The following ZNF225 variants were observed in gnomAD, a reference collection of about 807,000 sequenced individuals.
ZNF225 encodes zinc finger protein 225.
A neutral mutation model predicts 12.0 loss-of-function variants in ZNF225; 6 were observed. The ratio of observed to expected loss-of-function variants is 0.50; its 90% confidence interval spans 0.27 to 0.98. ZNF225 has a LOEUF of 0.98. Among genes scored for constraint, ZNF225 ranks in the 50% least tolerant of loss-of-function variants. The pLI is 0.11. For synonymous variants in ZNF225, 271 were observed against 283.2 expected, an observed-to-expected ratio of 0.96 and a Z score of 0.43; for missense variants, 763 against 848.2, an observed-to-expected ratio of 0.90 and a Z score of 1.25.
intron 4 of ZNF225, among the ~76,000 whole-genome samples, chr19:44,127,620 CTTTTA>C (rs1968174890): frequency 6.6e-6 from 1 of 151,928 alleles, no homozygotes; most frequent in Non-Finnish European, 1.5e-5. Context: ...GGAAAGAAAC[CTTTTA>C]TTTTATTTTT....
Position 44,131,960 on chromosome 19 carries a change from T to G in ZNF225, c.1346T>G (p.Val449Gly). 1 of 1,613,500 alleles carries G rather than the reference T, an allele frequency of 6.2e-7. No homozygotes were observed. Among genetic ancestry groups the G allele is most frequent in the Non-Finnish European group, 8.5e-7 (1 of 1,179,904 alleles). The change falls in exon 5 of 5, where the codon GTC becomes GGC. Residue 449 changes from valine (V) to glycine (G), a missense_variant. Physicochemically the swap from Val to Gly is moderately radical, Grantham distance 109. Coordinates refer to ENST00000262894, the MANE Select transcript of ZNF225 (RefSeq NM_013362.4). ...TTGGATCTTGACTTTCATCAGAGGG[T>G]CCACAGAGGAGAGAAACCCTATAAT... is the stretch of plus-strand genomic sequence containing the variant. Reference protein sequence around the residue: ...RRLDLDFHQRVHRGEKPYNCK... With the variant: ...RRLDLDFHQRGHRGEKPYNCK...
chr19:44,120,903 CTTT>C (rs113985967), intron 4 of ZNF225, among the ~76,000 whole-genome samples: 3 of 147,846 alleles, frequency 2.0e-5, no homozygotes, highest in Non-Finnish European at 4.5e-5. Flanking sequence ...CCATTTCTCT[CTTT>C]TTTTTTTTTA....
Position 44,131,502 on chromosome 19 carries a change from C to T in ZNF225, c.888C>T (p.Ser296=), listed in dbSNP as rs371556809. 3 of 1,614,012 alleles carry T rather than the reference C, an allele frequency of 1.9e-6. No homozygotes were observed. The highest frequency in any genetic ancestry group is 2.7e-5 in the African/African-American group (2 of 74,922). The change falls in exon 5 of 5, where the codon AGC becomes AGT. Residue 296 remains serine (S), a synonymous_variant. Transcript: ENST00000262894. ...TCAAATGTGATATATGTTGTAAGAG[C>T]TTCCGTAGTAGAGCAAATCTTAATA... ...KPFKCDICCK[S]FRSRANLNRH...
rs1228202276 is a variant in ZNF225, at chr19:44,113,448, T to A, written c.-190T>A. ...TCCGTTACTGTGAGGTTGCTGCAGT[T>A]TTGTCCCTGGTAGTTTGGGTCAGTT... On this transcript the variant is annotated 5_prime_UTR_variant, in exon 1 of 5. Transcript: ENST00000262894. The A allele has an allele frequency of 6.6e-6, 1 of 152,196 alleles. No homozygotes were observed. The highest frequency in any genetic ancestry group is 1.5e-5 in the Non-Finnish European group (1 of 68,116). The allele number at this position is 152,196 out of a possible 1,614,324, so 9.4% of individuals were successfully genotyped here. A position where few individuals can be genotyped will look rare whatever the true frequency, so the allele number is the denominator to read the frequency against.
intron 2 of ZNF225, among the ~76,000 whole-genome samples, chr19:44,117,408 C>G (rs539365113): frequency 2.0e-5 from 3 of 152,256 alleles, no homozygotes; most frequent in African/African-American, 7.2e-5. Context: ...ACACAGGTTA[C>G]CACAAGCTTT....
At chr19:44,121,791 T>C (rs1968062861) in intron 4 of ZNF225, among the ~76,000 whole-genome samples, 1 of 152,248 alleles carries the variant, frequency 6.6e-6, no homozygotes, top group South Asian at 2.1e-4. Context: ...ATCTATATCT[T>C]CTTTTGAAAA....
chr19:44,121,240 A>G lies in ZNF225; in HGVS notation c.235+2666A>G, dbSNP rs139075458. Among the ~76,000 whole-genome samples, 359 of 152,326 alleles carry G rather than the reference A, an allele frequency of 2.4e-3. 3 individuals are homozygous for G. The highest frequency in any genetic ancestry group is 0.01 in the Middle Eastern group (3 of 294). Reference sequence around the variant, plus strand: ...AGCTCCCACATATCAGTGAGAATATATGATGTTTGGTTTTCCATTCCTGAG... The same window carrying G: ...AGCTCCCACATATCAGTGAGAATATGTGATGTTTGGTTTTCCATTCCTGAG... On this transcript the variant is annotated intron_variant, in intron 4 of 4. Coordinates refer to ENST00000262894, the MANE Select transcript of ZNF225 (RefSeq NM_013362.4).
upstream of ZNF225, chr19:44,112,898 C>A (rs1178216736): frequency 6.6e-6 from 1 of 152,206 alleles, no homozygotes; most frequent in African/African-American, 2.4e-5. Flanking sequence ...CTCCTGTTAT[C>A]ATTGGAGGCG....
At chr19:44,123,477 G>T (rs1008825068) in intron 4 of ZNF225, among the ~76,000 whole-genome samples, 1 of 152,028 alleles carries the variant, frequency 6.6e-6, no homozygotes, top group Non-Finnish European at 1.5e-5. Flanking sequence ...TTCTTTCCTG[G>T]TTTTGGTATT....
rs199856110 is a variant in ZNF225, at chr19:44,125,889, T to TA, written c.236-4960dup. ...TGTGTCCAGTGTTTCCTGAATTTTT[T>TA]ATTTTTTTTTATTTAAGCTATCTAT... is the stretch of plus-strand genomic sequence containing the variant. On this transcript the variant is annotated intron_variant, in intron 4 of 4. Coordinates refer to ENST00000262894, the MANE Select transcript of ZNF225 (RefSeq NM_013362.4). Among the ~76,000 whole-genome samples, 1,368 of 152,262 alleles carry TA rather than the reference T, an allele frequency of 9.0e-3. 13 individuals are homozygous for TA. Among genetic ancestry groups the TA allele is most frequent in the African/African-American group, 0.032 (1,316 of 41,554 alleles).
intron 4 of ZNF225, chr19:44,129,229 G>C: frequency 1.4e-6 from 1 of 706,826 alleles, no homozygotes; most frequent in Non-Finnish European, 2.0e-6. Context: ...GTATTGTGAA[G>C]AGCTTAACCA....
In ZNF225 at chr19:44,132,840, C is replaced by A; in HGVS notation, c.*105C>A. The A allele has an allele frequency of 9.6e-7, 1 of 1,038,196 alleles. No individual in the cohort carries two copies. Among genetic ancestry groups the A allele is most frequent in the African/African-American group, 1.6e-5 (1 of 61,672 alleles). 64.3% of individuals were successfully genotyped at this position (1,038,196 alleles called of 1,614,324 possible). A position where few individuals can be genotyped will look rare whatever the true frequency, so the allele number is the denominator to read the frequency against. ...CATACCTATCACCTCAAACATTTAT[C>A]ATTTATTTATGTTGGGAACCCTTAA... On this transcript the variant is annotated 3_prime_UTR_variant, in exon 5 of 5. Transcript: ENST00000262894.
rs756887730 is a variant in ZNF225 at position 44,131,100 on chromosome 19, C to A, written c.486C>A (p.Val162=). The change falls in exon 5 of 5, where the codon GTC becomes GTA. Residue 162 remains valine (V), a synonymous_variant. Transcript: ENST00000262894. ...AAAAGTCCTTTAGTGATGTCTCCGT[C>A]CTTGATCTTCATCAACAACTACAGT... The part of the protein sequence containing the change: ...TCKKSFSDVS[V]LDLHQQLQSR... 6.2e-7 allele frequency: 1 copy of A among 1,614,158 alleles called. No individual in the cohort carries two copies. Among genetic ancestry groups the A allele is most frequent in the Non-Finnish European group, 8.5e-7 (1 of 1,180,000 alleles).
chr19:44,127,054 A>T (rs946292762), intron 4 of ZNF225, among the ~76,000 whole-genome samples: 4 of 152,200 alleles, frequency 2.6e-5, no homozygotes, highest in African/African-American at 9.7e-5. Context: ...TCTGGCCAGG[A>T]GGCTTCTTGC....
At chr19:44,123,334 C>A (rs1431259656) in intron 4 of ZNF225, among the ~76,000 whole-genome samples, 19 of 151,850 alleles carry the variant, frequency 1.3e-4, no homozygotes, top group Admixed American at 1.2e-3. Flanking sequence ...GCATCCCTGG[C>A]ATGAAACCCA....
intron 4 of ZNF225, among the ~76,000 whole-genome samples, chr19:44,121,025 T>C (rs10417110): frequency 0.034 from 5,187 of 152,218 alleles, 321 homozygotes; most frequent in African/African-American, 0.12. Flanking sequence ...GCCTCTCAAG[T>C]AGCTGGGACT....
At chr19:44,125,279 C>G (rs1968126761) in intron 4 of ZNF225, among the ~76,000 whole-genome samples, 1 of 152,114 alleles carries the variant, frequency 6.6e-6, no homozygotes, top group Non-Finnish European at 1.5e-5. Context: ...ACTGTATCTT[C>G]CATTCATATA....
chr19:44,127,955 T>G (rs1489422913), intron 4 of ZNF225, among the ~76,000 whole-genome samples: 1 of 152,202 alleles, frequency 6.6e-6, no homozygotes, highest in Non-Finnish European at 1.5e-5. Context: ...AAAAAACCTT[T>G]TCAAAGGAAG....
At position 44,132,041 on chromosome 19, in the gene ZNF225, G is replaced by T. The variant is rs749790741; in HGVS notation, c.1427G>T (p.Arg476Ile). 2.4e-5 allele frequency: 39 copies of T among 1,613,948 alleles called. No individual in the cohort carries two copies. The highest frequency in any genetic ancestry group is 3.1e-5 in the Non-Finnish European group (37 of 1,180,018). ...GCCTCGTGTCTTTTGAATCATCAGA[G>T]AATCCACAGTGGAGAAAAACCATTT... ...GWASCLLNHQ[R>I]IHSGEKPFKC... The change falls in exon 5 of 5, where the codon AGA becomes ATA. Residue 476 changes from arginine (R) to isoleucine (I), a missense_variant. Transcript: ENST00000262894.
Sources: gnomAD v4.1 joint callset for allele counts (sites outside exome capture counted in the v4.1 genomes callset) on GRCh38, gnomAD v4.1.1 for gene constraint, MANE v1.5 for transcripts, NCBI Gene and HGNC (gene_info 2026-07-23, HGNC 2026-07-21) for gene names.